Variants in ZIC3 observed in about 807,000 individuals in gnomAD.
The protein encoded by ZIC3 is Zic family zinc finger 3, also known as zinc finger protein ZIC 3.
A neutral mutation model predicts 18.3 loss-of-function variants in ZIC3; 6 were observed. The ratio of observed to expected loss-of-function variants is 0.33; its 90% CI spans 0.18 to 0.65. The LOEUF is 0.65. Ranked by LOEUF, ZIC3 falls within the 30% of genes least tolerant of loss-of-function variation. The pLI, the probability that ZIC3 is intolerant of heterozygous loss-of-function variation, is 0.75. For synonymous variants in ZIC3, 175 were observed against 177.0 expected (o/e 0.99, Z 0.09); for missense variants, 260 against 410.0 (o/e 0.63, Z 3.16).
Position 137,566,452 on chromosome X carries a change from C to T in ZIC3, c.-240C>T. 1 of 299,045 alleles carries T rather than the reference C, an allele frequency of 3.3e-6. No individual in the cohort carries two copies. The highest frequency in any genetic ancestry group is 6.0e-6 in the Non-Finnish European group (1 of 166,651). 24.6% of individuals were successfully genotyped at this position (299,045 alleles called of 1,213,427 possible). A position where few individuals can be genotyped will look rare whatever the true frequency, so the allele number is the denominator to read the frequency against. On this transcript the variant is annotated 5_prime_UTR_variant, in exon 1 of 3. Coordinates refer to ENST00000287538, the MANE Select transcript of ZIC3 (RefSeq NM_003413.4). ...CGAGTCTTTTCTCCTCCCTTCTCCT[C>T]CCTCCTCCTCCCCCCGCCAACACCC...
In ZIC3 at chrX:137,566,850, C is replaced by T. The variant is rs1556029767; in HGVS notation, c.159C>T (p.Ala53=). The T allele has an allele frequency of 3.2e-5, 37 of 1,162,449 alleles. 1 individual carries two copies. In the South Asian group the frequency reaches 5.7e-4, roughly 18 times the overall value. The change falls in exon 1 of 3, where the codon GCC becomes GCT. Residue 53 remains alanine (A), a synonymous_variant. Transcript: ENST00000287538. ...ACGCCGCCGCCGCCGCCGCCGCCGCCGCTGCCTTCAAGCTGAGCCCTGCCG... is the reference window on the plus strand; with the variant it reads ...ACGCCGCCGCCGCCGCCGCCGCCGCTGCTGCCTTCAAGCTGAGCCCTGCCG... The part of the protein sequence containing the change: ...STHAAAAAAA[A]AAFKLSPAAA...
rs1931427706 is a variant in ZIC3 at position 137,570,864 on chromosome X, T to C, written c.*794T>C. 1 of 113,144 alleles carries C rather than the reference T, an allele frequency of 8.8e-6. No homozygotes were observed. Among genetic ancestry groups the C allele is most frequent in the Non-Finnish European group, 1.9e-5 (1 of 53,393 alleles). The allele number at this position is 113,144 out of a possible 1,213,427, so 9.3% of individuals were successfully genotyped here. On this transcript the variant is annotated 3_prime_UTR_variant, in exon 3 of 3. Coordinates refer to ENST00000287538, the MANE Select transcript of ZIC3 (RefSeq NM_003413.4). ...TTTTGGAACCACTGACTCCTTTCTC[T>C]TGTTTTGTAACAGCCTTCTTCTACA...
At chrX:137,567,904 C>A (rs943493166) in intron 1 of ZIC3, among the ~76,000 whole-genome samples, 153 bp downstream of exon 1, 5 of 113,494 alleles carry the variant, frequency 4.4e-5, no homozygotes, top group African/African-American at 1.6e-4. Flanking sequence ...GACCATCCAC[C>A]CCTAGCCCTC....
downstream of ZIC3, chrX:137,577,062 C>T: frequency 2.3e-6 from 1 of 427,551 alleles, no homozygotes; most frequent in South Asian, 4.5e-5. Flanking sequence ...ACATTCTTTT[C>T]TAAGAGGAAA....
chrX:137,568,382 C>A (rs867457691), intron 1 of ZIC3, among the ~76,000 whole-genome samples: 1 of 106,038 alleles, frequency 9.4e-6, no homozygotes. Flanking sequence ...ATCTATCTAT[C>A]TATATTTTTT....
downstream of ZIC3, among the ~76,000 whole-genome samples, chrX:137,575,396 A>G (rs1931502318): frequency 9.0e-6 from 1 of 111,373 alleles, no homozygotes; most frequent in African/African-American, 3.3e-5. Flanking sequence ...AGAATTCCGA[A>G]AACTTTAATT....
At position 137,567,038 on chromosome X, in the gene ZIC3, G is replaced by A. The variant is rs1282251919; in HGVS notation, c.347G>A (p.Arg116His). 1 of 1,169,424 alleles carries A rather than the reference G, an allele frequency of 8.6e-7. No homozygotes were observed. The highest frequency in any genetic ancestry group is 3.2e-5 in the East Asian group (1 of 30,948). ...GAASAAFNST[R>H]EFLFRQRSSG... ...GCCTCTGCCGCCTTCAACTCAACGCGCGAGTTTCTGTTCCGCCAGCGCAGC... is the reference window on the plus strand; with the variant it reads ...GCCTCTGCCGCCTTCAACTCAACGCACGAGTTTCTGTTCCGCCAGCGCAGC... Residue 116 changes from arginine to histidine, a missense_variant, in exon 1 of 3, where the codon CGC becomes CAC. Transcript: ENST00000287538.
chrX:137,573,400 C>T (rs1231636074), downstream of ZIC3, among the ~76,000 whole-genome samples: 1 of 111,529 alleles, frequency 9.0e-6, no homozygotes, highest in Non-Finnish European at 1.9e-5. Context: ...AGGGTCCACG[C>T]TAAGCAGGCC....
In ZIC3 at chrX:137,571,625, A is replaced by C. The variant is rs1931438970; in HGVS notation, c.*1555A>C. ...GATGCTATGGGAAAAAAATTGCAAA[A>C]TATGTATTTTTAAAGTTCATGATTT... On this transcript the variant is annotated 3_prime_UTR_variant, in exon 3 of 3. Transcript: ENST00000287538. 1.8e-5 allele frequency: 2 copies of C among 112,742 alleles called. No individual in the cohort carries two copies. Among genetic ancestry groups the C allele is most frequent in the Non-Finnish European group, 3.8e-5 (2 of 53,302 alleles). The allele number at this position is 112,742 out of a possible 1,213,427, so 9.3% of individuals were successfully genotyped here. A position where few individuals can be genotyped will look rare whatever the true frequency, so the allele number is the denominator to read the frequency against.
chrX:137,568,335 G>GATCTATCTATCTATCT (rs772410999), intron 1 of ZIC3, among the ~76,000 whole-genome samples: 1 of 70,229 alleles, frequency 1.4e-5, no homozygotes, highest in African/African-American at 5.3e-5. Flanking sequence ...CCCCTGGATC[G>GATCTATCTATCTATCT]ATCGATCTAT....
rs370928726 is a variant in ZIC3 at position 137,570,096 on chromosome X, T to C, written c.*26T>C. 331 of 1,198,741 alleles carry C rather than the reference T, an allele frequency of 2.8e-4. No individual in the cohort carries two copies. Among genetic ancestry groups the C allele is most frequent in the Non-Finnish European group, 3.4e-4 (304 of 884,971 alleles). ...GGACAAACACAAACCCTGTTAATTA[T>C]AGAATGGACCAAATACATTTTTAAA... On this transcript the variant is annotated 3_prime_UTR_variant, in exon 3 of 3. Transcript: ENST00000287538.
exon 3 of ZIC3, chrX:137,577,422 A>G: frequency 3.0e-6 from 1 of 332,590 alleles, no homozygotes; most frequent in Non-Finnish European, 5.2e-6. Flanking sequence ...GTGAAATGAA[A>G]AAGCAAAAAA....
In ZIC3 at chrX:137,568,334, CGA is replaced by C. The variant is rs1569346022; in HGVS notation, c.1061-567_1061-566del. ...TAAAACTGTCTGGAGCCCCCTGGAT[CGA>C]TCGATCTATCTATCTATCTATCTAT... On this transcript the variant is annotated intron_variant, in intron 1 of 2. Transcript: ENST00000287538. Among the ~76,000 whole-genome samples the C allele has an allele frequency of 7.8e-3, 495 of 63,366 alleles. 1 individual carries two copies. Among genetic ancestry groups the C allele is most frequent in the East Asian group, 0.022 (42 of 1,933 alleles). 55.0% of individuals were successfully genotyped at this position (63,366 alleles called of 115,157 possible). A position where few individuals can be genotyped will look rare whatever the true frequency, so the allele number is the denominator to read the frequency against.
chrX:137,571,859 A>G lies in ZIC3; in HGVS notation c.*1789A>G, dbSNP rs1377086605. ...TGGGTAGAGTATTGAGACCTTTTTT[A>G]TTAGGGTGCTGTTTGTTATTGAGAG... is the stretch of plus-strand genomic sequence containing the variant. On this transcript the variant is annotated 3_prime_UTR_variant, in exon 3 of 3. Coordinates refer to ENST00000287538, the MANE Select transcript of ZIC3 (RefSeq NM_003413.4). 9.0e-6 allele frequency among the ~76,000 whole-genome samples: 1 copy of G among 111,617 alleles called. No individual in the cohort carries two copies. The highest frequency in any genetic ancestry group is 1.9e-5 in the Non-Finnish European group (1 of 53,115).
At position 137,566,915 on chromosome X, in the gene ZIC3, C is replaced by A. The variant is rs772291510; in HGVS notation, c.224C>A (p.Thr75Lys). ...TCTTCAGGCCAGAGCTCGGCTTTCACGCCGCAGGGTTCGGGCTACGCCAAC... is the reference window on the plus strand; with the variant it reads ...TCTTCAGGCCAGAGCTCGGCTTTCAAGCCGCAGGGTTCGGGCTACGCCAAC... Reference protein sequence around the residue: ...DLSSGQSSAFTPQGSGYANAL... With the variant: ...DLSSGQSSAFKPQGSGYANAL... Residue 75 changes from threonine to lysine, a missense_variant, in exon 1 of 3, where the codon ACG becomes AAG. Physicochemically the swap from Thr to Lys is moderately conservative, Grantham distance 78. This residue lies in a region of ZIC3 where 183 missense variants were observed against 223.8 expected (regional missense o/e 0.82). Coordinates refer to ENST00000287538, the MANE Select transcript of ZIC3 (RefSeq NM_003413.4). 1 of 1,165,697 alleles carries A rather than the reference C, an allele frequency of 8.6e-7. No homozygotes were observed.
downstream of ZIC3, among the ~76,000 whole-genome samples, chrX:137,575,811 G>T (rs987528147): frequency 1.3e-4 from 15 of 112,033 alleles, no homozygotes. Context: ...GCCTTTATCT[G>T]CAGAGAACAA....
In ZIC3 at chrX:137,567,221, G is replaced by A. The variant is rs1386246838; in HGVS notation, c.530G>A (p.Gly177Glu). The change falls in exon 1 of 3, where the codon GGG becomes GAG. Residue 177 changes from glycine (G) to glutamate (E), a missense_variant. Physicochemically the swap from Gly to Glu is moderately conservative, Grantham distance 98. Transcript: ENST00000287538. The part of the protein sequence containing the change: ...EQGAGHPSPT[G>E]HVDNNQVHLG... ...GGCGCTGGGCACCCGTCGCCCACAG[G>A]GCACGTGGACAACAACCAGGTCCAC... 1 of 1,209,015 alleles carries A rather than the reference G, an allele frequency of 8.3e-7. No individual in the cohort carries two copies. Among genetic ancestry groups the A allele is most frequent in the Non-Finnish European group, 1.1e-6 (1 of 894,769 alleles).
At position 137,566,474 on chromosome X, in the gene ZIC3, A is replaced by ACCCCCC; in HGVS notation, c.-213_-212insCCCCCC. On this transcript the variant is annotated 5_prime_UTR_variant, in exon 1 of 3. Coordinates refer to ENST00000287538, the MANE Select transcript of ZIC3 (RefSeq NM_003413.4). The stretch of plus-strand genomic sequence containing the variant: ...CCTCCCTCCTCCTCCCCCCGCCAAC[A>ACCCCCC]CCCCCTCCCTGCTCTTTCTTCCCCT... The ACCCCCC allele has an allele frequency of 2.9e-4, 23 of 78,963 alleles. No individual in the cohort carries two copies. Among genetic ancestry groups the ACCCCCC allele is most frequent in the Admixed American group, 8.4e-4 (4 of 4,746 alleles). The allele number at this position is 78,963 out of a possible 1,213,427, so 6.5% of individuals were successfully genotyped here.
At chrX:137,573,063 T>C (rs1931459843), downstream of ZIC3, among the ~76,000 whole-genome samples, 1 of 96,439 alleles carries the variant, frequency 1.0e-5, no homozygotes, top group Non-Finnish European at 2.0e-5. Context: ...TTCCCCCCTA[T>C]AATCTGGCTC....
Sources: gnomAD v4.1 joint callset for allele counts (sites outside exome capture counted in the v4.1 genomes callset) on GRCh38, gnomAD v4.1.1 for gene constraint, gnomAD v4.1.1 regional missense constraint, MANE v1.5 for transcripts, NCBI Gene and HGNC (gene_info 2026-07-23, HGNC 2026-07-21) for gene names.